The following MCF2L2 variants were observed in gnomAD, a reference collection of about 807,000 sequenced individuals.
The protein encoded by MCF2L2 is MCF.2 cell line derived transforming sequence-like 2.
MCF2L2 carries 102 observed loss-of-function variants against 150.2 expected under a neutral mutation model. That is an observed-to-expected ratio of 0.68 (90% CI 0.58 to 0.80). The LOEUF (loss-of-function observed/expected upper bound fraction) is 0.80. Ranked by LOEUF, MCF2L2 falls within the 30% of genes least tolerant of loss-of-function variation. The pLI is 0.00. For synonymous variants in MCF2L2, 465 were observed against 491.3 expected, an observed-to-expected ratio of 0.95 and a Z score of 0.71; for missense variants, 1,256 against 1,372.8, an observed-to-expected ratio of 0.91 and a Z score of 1.34.
At chr3:183,410,212 A>C (rs1219190910) in intron 1 of MCF2L2, among the ~76,000 whole-genome samples, 1 of 152,208 alleles carries the variant, frequency 6.6e-6, no homozygotes, top group African/African-American at 2.4e-5. Flanking sequence ...CACATCTCAT[A>C]TGAAGCTTTT....
At chr3:183,338,395 C>T (rs1673936470) in intron 5 of MCF2L2, among the ~76,000 whole-genome samples, 2 of 146,900 alleles carry the variant, frequency 1.4e-5, no homozygotes, top group Non-Finnish European at 3.0e-5. Flanking sequence ...TGTGGTGAGC[C>T]GAGATTGTGC....
chr3:183,377,687 A>G (rs1278690678), intron 3 of MCF2L2: 5 of 152,132 alleles, frequency 3.3e-5, no homozygotes, highest in Admixed American at 1.3e-4. Flanking sequence ...TTAAAAAAAG[A>G]CTCTGTGAAA....
At chr3:183,238,177 C>G (rs1311006797) in intron 15 of MCF2L2, among the ~76,000 whole-genome samples, 1 of 151,664 alleles carries the variant, frequency 6.6e-6, no homozygotes, top group Admixed American at 6.6e-5. Context: ...GCTTGTCCAA[C>G]CTGCGGCCTG....
At chr3:183,269,821 G>A (rs548655785) in intron 15 of MCF2L2, 1 of 1,609,564 alleles carries the variant, frequency 6.2e-7, no homozygotes, top group Admixed American at 1.7e-5. Context: ...GTTAGTGGCA[G>A]AAGAGTCAAA....
At chr3:183,386,595 T>A (rs1713845256) in intron 2 of MCF2L2, among the ~76,000 whole-genome samples, 1 of 152,204 alleles carries the variant, frequency 6.6e-6, no homozygotes, top group African/African-American at 2.4e-5. Context: ...TCTGGCTCCT[T>A]CCAGAGATCA....
chr3:183,370,775 T>TTAAACTCC (rs60760903), intron 3 of MCF2L2, among the ~76,000 whole-genome samples: 4 of 152,004 alleles, frequency 2.6e-5, no homozygotes, highest in South Asian at 2.1e-4. Flanking sequence ...ACTTAAATTC[T>TTAAACTCC]CGTGACATGT....
intron 15 of MCF2L2, among the ~76,000 whole-genome samples, chr3:183,269,203 T>A (rs1484852237): frequency 1.3e-5 from 2 of 148,706 alleles, no homozygotes; most frequent in Non-Finnish European, 3.0e-5. Context: ...TGAACTTAAG[T>A]ATACACGATT....
At chr3:183,187,797 A>G (rs961924407) in intron 27 of MCF2L2, among the ~76,000 whole-genome samples, 8 of 152,184 alleles carry the variant, frequency 5.3e-5, no homozygotes, top group Admixed American at 4.6e-4. Context: ...GCCAGTAAAC[A>G]GCACACCCAC....
At chr3:183,361,597 C>T (rs570532191) in intron 3 of MCF2L2, among the ~76,000 whole-genome samples, 7 of 152,214 alleles carry the variant, frequency 4.6e-5, no homozygotes, top group Non-Finnish European at 8.8e-5. Context: ...CCTGAGGCCT[C>T]CCAGCCATGC....
intron 10 of MCF2L2, among the ~76,000 whole-genome samples, chr3:183,300,647 G>T (rs1353185601): frequency 1.3e-5 from 2 of 152,264 alleles, no homozygotes; most frequent in East Asian, 1.9e-4. Context: ...TGAGGAGAGT[G>T]GGGGGTGAGC....
chr3:183,240,761 A>G lies in MCF2L2; in HGVS notation c.1863-9744T>C, dbSNP rs138471481. 3.1e-3 allele frequency among the ~76,000 whole-genome samples: 477 copies of G among 152,348 alleles called. 3 individuals are homozygous for G. Among genetic ancestry groups the G allele is most frequent in the African/African-American group, 0.011 (466 of 41,582 alleles). ...TCTACTGCAGATGGTCTCCTATTCAACTAAATAGCACTCATCTGACCCACT... is the reference window on the plus strand; with the variant it reads ...TCTACTGCAGATGGTCTCCTATTCAGCTAAATAGCACTCATCTGACCCACT... On this transcript the variant is annotated intron_variant, in intron 15 of 29. Coordinates refer to ENST00000328913, the MANE Select transcript of MCF2L2 (RefSeq NM_015078.4).
chr3:183,186,881 C>T (rs751223987), intron 27 of MCF2L2, among the ~76,000 whole-genome samples: 3 of 152,184 alleles, frequency 2.0e-5, no homozygotes, highest in Non-Finnish European at 4.4e-5. Context: ...CTATAGACAA[C>T]GTCTGCAAGA....
In MCF2L2 at chr3:183,179,435, G is replaced by C; in HGVS notation, c.3290C>G (p.Thr1097Arg). The C allele has an allele frequency of 6.3e-7, 1 of 1,579,468 alleles. No homozygotes were observed. Among genetic ancestry groups the C allele is most frequent in the Non-Finnish European group, 8.6e-7 (1 of 1,161,846 alleles). Residue 1097 changes from threonine to arginine, a missense_variant, in exon 30 of 30, where the codon ACG (threonine) becomes AGG (arginine). Physicochemically the swap from Thr to Arg is moderately conservative, Grantham distance 71. Transcript: ENST00000328913. The surrounding 1 kb of genome is among the most constrained non-coding windows in gnomAD (Gnocchi z 4.2). Reference protein sequence around the residue: ...STGRLAPAGATAGFQARALRP... With the variant: ...STGRLAPAGARAGFQARALRP... ...CAGCGCCCTCGCCTGGAAACCAGCC[G>C]TCGCCCCCGCAGGAGCCAGCCGGCC...
intron 5 of MCF2L2, among the ~76,000 whole-genome samples, chr3:183,334,793 CAAAAAAAA>C (rs576703262): frequency 2.3e-5 from 2 of 88,550 alleles, no homozygotes; most frequent in Non-Finnish European, 5.2e-5. Flanking sequence ...AACTCCATTT[CAAAAAAAA>C]AAAAAAAAAA....
chr3:183,321,450 A>AAAT, intron 6 of MCF2L2, among the ~76,000 whole-genome samples: 1 of 151,912 alleles, frequency 6.6e-6, no homozygotes, highest in Non-Finnish European at 1.5e-5. Context: ...AAAAAAAAAA[A>AAAT]AAAGAAAGAA....
At chr3:183,271,297 A>G (rs1726758416) in intron 15 of MCF2L2, 1 of 174,378 alleles carries the variant, frequency 5.7e-6, no homozygotes, top group South Asian at 1.9e-4. Context: ...AACGTACAGT[A>G]CAACATTTCA....
In MCF2L2 at chr3:183,313,232, A is replaced by AACACACACACACACACACACACACAC. The variant is rs111694523; in HGVS notation, c.754-1461_754-1460insGTGTGTGTGTGTGTGTGTGTGTGTGT. On this transcript the variant is annotated intron_variant, in intron 7 of 29. Coordinates refer to ENST00000328913, the MANE Select transcript of MCF2L2 (RefSeq NM_015078.4). ...TCTTAACTGCTGCTGAGCTTCCAGCAACACACACACACACACACACACACA... is the reference window on the plus strand; with the variant it reads ...TCTTAACTGCTGCTGAGCTTCCAGCAACACACACACACACACACACACACACACACACACACACACACACACACACA... Among the ~76,000 whole-genome samples, 758 of 149,358 alleles carry AACACACACACACACACACACACACAC rather than the reference A, an allele frequency of 5.1e-3. 6 individuals carry two copies. Among genetic ancestry groups the AACACACACACACACACACACACACAC allele is most frequent in the African/African-American group, 0.017 (703 of 40,580 alleles).
intron 15 of MCF2L2, among the ~76,000 whole-genome samples, chr3:183,264,483 CTT>C (rs1725916210): frequency 6.6e-6 from 1 of 152,234 alleles, no homozygotes; most frequent in African/African-American, 2.4e-5. Flanking sequence ...AGTGTAAATG[CTT>C]TGAGATTGGA....
intron 15 of MCF2L2, 189 bp from the exon 16 acceptor site, chr3:183,231,206 G>A (rs1723542581): frequency 3.0e-6 from 2 of 677,802 alleles, no homozygotes; most frequent in South Asian, 3.0e-5. Flanking sequence ...CGCACACTGT[G>A]ATCACACTGG....
Sources: allele counts gnomAD v4.1 joint callset (sites outside exome capture counted in the v4.1 genomes callset), GRCh38; gene constraint gnomAD v4.1.1; non-coding constraint Gnocchi (gnomAD v3.1); transcripts MANE v1.5; gene names NCBI Gene and HGNC (gene_info 2026-07-23, HGNC 2026-07-21).